Variants in NAALADL2 observed in about 807,000 individuals in gnomAD.
NAALADL2 encodes the protein inactive N-acetylated-alpha-linked acidic dipeptidase-like protein 2.
In NAALADL2, 76 loss-of-function variants were observed where a neutral mutation model predicts 87.2. The ratio of observed to expected loss-of-function variants is 0.87; its 90% CI spans 0.72 to 1.05. The LOEUF (loss-of-function observed/expected upper bound fraction) is 1.05. NAALADL2 is among the 50% of genes least tolerant of loss of function. NAALADL2 has a pLI of 0.00. For missense variants in NAALADL2, 1,089 were observed against 945.8 expected (o/e 1.15, Z -1.99); for synonymous variants, 354 against 331.0 (o/e 1.07, Z -0.75).
intron 13 of NAALADL2, among the ~76,000 whole-genome samples, chr3:175,792,006 T>G (rs1752845383): frequency 6.6e-6 from 1 of 151,944 alleles, no homozygotes; most frequent in Non-Finnish European, 1.5e-5. Context: ...AAAATGCCTG[T>G]CTAGTACTTG....
At chr3:174,664,828 A>G (rs1725819485) in intron 2 of NAALADL2, among the ~76,000 whole-genome samples, 1 of 152,220 alleles carries the variant, frequency 6.6e-6, no homozygotes, top group African/African-American at 2.4e-5. Flanking sequence ...GGCATTATAC[A>G]TGCCAAATGA....
intron 1 of NAALADL2, among the ~76,000 whole-genome samples, chr3:174,509,425 C>T (rs1277694550): frequency 3.8e-5 from 5 of 131,720 alleles, no homozygotes; most frequent in Admixed American, 1.7e-4. Context: ...TTTTTTGAGA[C>T]GGAGTCTTGC....
chr3:174,659,519 A>G (rs1209993717), intron 2 of NAALADL2, among the ~76,000 whole-genome samples: 1 of 152,174 alleles, frequency 6.6e-6, no homozygotes, highest in Non-Finnish European at 1.5e-5. Context: ...TATCACAGAT[A>G]ACTGTGCTGA....
chr3:175,588,774 G>A (rs1471610230), intron 10 of NAALADL2, among the ~76,000 whole-genome samples: 1 of 151,886 alleles, frequency 6.6e-6, no homozygotes, highest in African/African-American at 2.4e-5. Context: ...TCCTGACCTC[G>A]TGATCCGCCC....
At chr3:175,569,862 T>C (rs1202290357) in intron 9 of NAALADL2, among the ~76,000 whole-genome samples, 1 of 138,358 alleles carries the variant, frequency 7.2e-6, no homozygotes, top group East Asian at 2.0e-4. Context: ...ACACAGACAC[T>C]TTATATATAC....
At chr3:174,699,326 T>C (rs1416544967) in intron 2 of NAALADL2, among the ~76,000 whole-genome samples, 1 of 152,032 alleles carries the variant, frequency 6.6e-6, no homozygotes, top group Non-Finnish European at 1.5e-5. Context: ...TGAAACCTCG[T>C]CTCTACTAAA....
chr3:175,502,458 C>T (rs558444470), intron 9 of NAALADL2, among the ~76,000 whole-genome samples: 5 of 152,228 alleles, frequency 3.3e-5, no homozygotes, highest in Admixed American at 6.5e-5. Context: ...CGATCTGGGA[C>T]GTCAGTCTTT....
chr3:175,252,416 C>G (rs962741727), intron 3 of NAALADL2, among the ~76,000 whole-genome samples: 1 of 152,124 alleles, frequency 6.6e-6, no homozygotes, highest in East Asian at 1.9e-4. Context: ...CCATATAAGA[C>G]AGCAAACTGA....
intron 2 of NAALADL2, among the ~76,000 whole-genome samples, chr3:175,177,872 G>A (rs957500723): frequency 7.2e-6 from 1 of 138,294 alleles, no homozygotes; most frequent in Non-Finnish European, 1.6e-5. Flanking sequence ...CATGCTGTAA[G>A]CACCTACAAA....
intron 3 of NAALADL2, among the ~76,000 whole-genome samples, chr3:174,811,977 T>C (rs1481980231): frequency 6.6e-6 from 1 of 152,162 alleles, no homozygotes; most frequent in African/African-American, 2.4e-5. Context: ...TCTTTCTCTC[T>C]TGGTCTTGCT....
chr3:175,058,931 C>T (rs764949616), intron 1 of NAALADL2, among the ~76,000 whole-genome samples: 1 of 152,132 alleles, frequency 6.6e-6, no homozygotes, highest in South Asian at 2.1e-4. Flanking sequence ...TTTCCTCCTA[C>T]CTACTAGTCT....
chr3:174,495,686 A>ATCTTTTAGAAAATCAAGGATTAGGGAT (rs150444822), intron 1 of NAALADL2, among the ~76,000 whole-genome samples: 96,443 of 151,168 alleles, frequency 0.64, 31,045 homozygotes, highest in East Asian at 0.89. Context: ...GGGATACTGA[A>ATCTTTTAGAAAATCAAGGATTAGGGAT]TCCAGCTGTA....
intron 3 of NAALADL2, among the ~76,000 whole-genome samples, chr3:175,243,093 A>ACACG (rs1337660945): frequency 6.6e-6 from 1 of 150,634 alleles, no homozygotes; most frequent in Non-Finnish European, 1.5e-5. Context: ...ACACACACAC[A>ACACG]CGCACACACA....
chr3:175,547,977 G>A (rs981923450), intron 9 of NAALADL2, among the ~76,000 whole-genome samples: 3 of 152,064 alleles, frequency 2.0e-5, no homozygotes, highest in African/African-American at 7.2e-5. Context: ...TTCAACTATT[G>A]TAGAAGACAG....
chr3:174,695,843 T>A (rs1728966236), intron 2 of NAALADL2, among the ~76,000 whole-genome samples: 1 of 151,898 alleles, frequency 6.6e-6, no homozygotes, highest in South Asian at 2.1e-4. Flanking sequence ...TATCATCCAA[T>A]AAATCATAGC....
At chr3:175,199,184 C>A (rs1056300759) in intron 2 of NAALADL2, among the ~76,000 whole-genome samples, 2 of 152,084 alleles carry the variant, frequency 1.3e-5, no homozygotes, top group Non-Finnish European at 2.9e-5. Context: ...TCTCCAAGGC[C>A]TCTTTTGAAT....
intron 1 of NAALADL2, among the ~76,000 whole-genome samples, chr3:174,962,371 CATAT>C (rs140830010): frequency 0.051 from 3,734 of 73,156 alleles, 17 homozygotes; most frequent in Non-Finnish European, 0.072. Flanking sequence ...GTGACTATGA[CATAT>C]ATATATATAT....
At chr3:174,788,101 C>T (rs1344602369) in intron 3 of NAALADL2, among the ~76,000 whole-genome samples, 1 of 152,090 alleles carries the variant, frequency 6.6e-6, no homozygotes, top group East Asian at 1.9e-4. Flanking sequence ...ATATCAGGGT[C>T]TTTTGCCAAG....
intron 4 of NAALADL2, chr3:175,256,998 T>TGTC (rs1420395540): frequency 6.6e-6 from 1 of 152,174 alleles, no homozygotes; most frequent in Non-Finnish European, 1.5e-5. Flanking sequence ...ACTATACAAC[T>TGTC]ACAGTTACTA....
Sources: gnomAD v4.1 joint callset for allele counts (sites outside exome capture counted in the v4.1 genomes callset) on GRCh38, gnomAD v4.1.1 for gene constraint, MANE v1.5 for transcripts, NCBI Gene and HGNC (gene_info 2026-07-23, HGNC 2026-07-21) for gene names.